MCPH1: variants seen among roughly 807,000 people sequenced by gnomAD.
The protein encoded by MCPH1 is microcephalin.
MCPH1 carries 104 observed loss-of-function variants against 84.5 expected under a neutral mutation model. The ratio of observed to expected loss-of-function variants is 1.23; its 90% CI spans 1.05 to 1.45. The LOEUF (loss-of-function observed/expected upper bound fraction) is 1.45. Among genes scored for constraint, MCPH1 ranks in the 40% most tolerant of loss-of-function variants. MCPH1 has a pLI of 0.00. For synonymous variants in MCPH1, 514 were observed against 366.8 expected, an observed-to-expected ratio of 1.40 and a Z score of -4.58; for missense variants, 1,498 against 1,005.7, an observed-to-expected ratio of 1.49 and a Z score of -6.62.
At chr8:6,523,573 T>C (rs1327656864) in intron 12 of MCPH1, among the ~76,000 whole-genome samples, 1 of 149,716 alleles carries the variant, frequency 6.7e-6, no homozygotes, top group African/African-American at 2.5e-5. Context: ...GTCAAGGTAT[T>C]TGGCAGGGTT....
At chr8:6,627,374 A>G in intron 13 of MCPH1, 12 of 835,242 alleles carry the variant, frequency 1.4e-5, no homozygotes, top group Non-Finnish European at 1.7e-5. Flanking sequence ...CCTCTCCTCC[A>G]AGGACGGCCT....
intron 9 of MCPH1, among the ~76,000 whole-genome samples, chr8:6,467,702 C>G (rs1235972365): frequency 6.6e-6 from 1 of 152,108 alleles, no homozygotes; most frequent in East Asian, 1.9e-4. Flanking sequence ...CTCAAGTGAT[C>G]CCTCCAGCCT....
Position 6,469,573 on chromosome 8 carries a change from G to A in MCPH1, c.1936-8021G>A, listed in dbSNP as rs747836051. Among the ~76,000 whole-genome samples, 147 of 152,150 alleles carry A rather than the reference G, an allele frequency of 9.7e-4. 1 individual carries two copies. The highest frequency in any genetic ancestry group is 4.1e-4 in the Non-Finnish European group (28 of 68,038). ...ATATTTAGATGGGCTTATACTGGGC[G>A]TGAACAAGGTTAATAATCTTTGTGA... On this transcript the variant is annotated intron_variant, in intron 9 of 13. Coordinates refer to ENST00000344683, the MANE Select transcript of MCPH1 (RefSeq NM_024596.5).
chr8:6,415,343 A>AGTAGC (rs1799117707), intron 3 of MCPH1, among the ~76,000 whole-genome samples: 1 of 148,118 alleles, frequency 6.8e-6, no homozygotes, highest in African/African-American at 2.5e-5. Flanking sequence ...GCTAGAGTGC[A>AGTAGC]GTAGCTGGAT....
chr8:6,467,311 G>A (rs903603830), intron 9 of MCPH1, among the ~76,000 whole-genome samples: 2 of 152,092 alleles, frequency 1.3e-5, no homozygotes, highest in African/African-American at 4.8e-5. Context: ...TTTCAATTTT[G>A]AAAACTTTTT....
chr8:6,604,286 C>T (rs1162905366), intron 12 of MCPH1, among the ~76,000 whole-genome samples: 2 of 152,228 alleles, frequency 1.3e-5, no homozygotes, highest in Admixed American at 6.5e-5. Context: ...CGGCAATGTG[C>T]TTCACCCACT....
At chr8:6,559,134 A>G (rs1235082564) in intron 12 of MCPH1, among the ~76,000 whole-genome samples, 1 of 151,676 alleles carries the variant, frequency 6.6e-6, no homozygotes, top group East Asian at 1.9e-4. Context: ...TGTGAATGGG[A>G]TGGGATTTTT....
chr8:6,497,143 T>A (rs1426591006), intron 11 of MCPH1, among the ~76,000 whole-genome samples: 4 of 152,144 alleles, frequency 2.6e-5, no homozygotes, highest in Non-Finnish European at 5.9e-5. Flanking sequence ...TTAGCTATAA[T>A]CCTTTTGATC....
Position 6,607,778 on chromosome 8 carries a change from T to C in MCPH1, c.2215-13676T>C, listed in dbSNP as rs557084378. Reference sequence around the variant, plus strand: ...GTCTGCTGCCATGTAAGACATGCTGTCCACCTTCTGCCGTGATTGTGAGGC... The same window carrying C: ...GTCTGCTGCCATGTAAGACATGCTGCCCACCTTCTGCCGTGATTGTGAGGC... On this transcript the variant is annotated intron_variant, in intron 12 of 13. Coordinates refer to ENST00000344683, the MANE Select transcript of MCPH1 (RefSeq NM_024596.5). Among the ~76,000 whole-genome samples, 4 of 152,350 alleles carry C rather than the reference T, an allele frequency of 2.6e-5. No individual in the cohort carries two copies. In the South Asian group the frequency reaches 8.3e-4, roughly 32 times the overall value.
intron 13 of MCPH1, among the ~76,000 whole-genome samples, chr8:6,639,205 G>A (rs1420504633): frequency 6.6e-6 from 1 of 152,114 alleles, no homozygotes; most frequent in Non-Finnish European, 1.5e-5. Context: ...GGGTGCATGG[G>A]TAGATGGGTA....
chr8:6,409,506 G>C, intron 2 of MCPH1, 136 bp downstream of exon 2: 1 of 717,768 alleles, frequency 1.4e-6, no homozygotes, highest in Non-Finnish European at 2.5e-6. Flanking sequence ...AGAAAAAAGA[G>C]CCAAAGTGTG....
intron 4 of MCPH1, among the ~76,000 whole-genome samples, chr8:6,434,514 C>T (rs551747992): frequency 1.3e-5 from 2 of 152,316 alleles, no homozygotes; most frequent in East Asian, 3.9e-4. Flanking sequence ...AATGAACCTC[C>T]CAAGACACAT....
At chr8:6,409,908 C>T (rs1272831500) in intron 2 of MCPH1, among the ~76,000 whole-genome samples, 1 of 151,788 alleles carries the variant, frequency 6.6e-6, no homozygotes, top group Non-Finnish European at 1.5e-5. Flanking sequence ...AGCAGGGACC[C>T]AGTGACAGAG....
intron 8 of MCPH1, among the ~76,000 whole-genome samples, chr8:6,448,146 T>C (rs1221401713): frequency 6.6e-6 from 1 of 152,170 alleles, no homozygotes; most frequent in East Asian, 1.9e-4. Context: ...CAATGTCAGC[T>C]AGCAAGCAGT....
In MCPH1 at chr8:6,440,549, C is replaced by G. The variant is rs967813524; in HGVS notation, c.580+1453C>G. Among the ~76,000 whole-genome samples, 3 of 152,250 alleles carry G rather than the reference C, an allele frequency of 2.0e-5. No homozygotes were observed. The South Asian group carries it at 6.2e-4, about 32-fold the overall frequency. ...TTATTGATAGATATAGTCAAATTAT[C>G]CTTCAAAAAATTTGAGTCATCTTAT... On this transcript the variant is annotated intron_variant, in intron 6 of 13. Transcript: ENST00000344683.
chr8:6,446,773 A>G, intron 8 of MCPH1: 1 of 985,114 alleles, frequency 1.0e-6, no homozygotes, highest in Non-Finnish European at 1.2e-6. Flanking sequence ...ATGTAAATTA[A>G]GTAGGAAAAA....
At chr8:6,464,401 T>A (rs1300826848) in intron 9 of MCPH1, among the ~76,000 whole-genome samples, 1 of 152,216 alleles carries the variant, frequency 6.6e-6, no homozygotes, top group East Asian at 1.9e-4. Flanking sequence ...TTTCTTGTTA[T>A]GTATGAGAGA....
intron 12 of MCPH1, chr8:6,513,617 G>C (rs1215843029): frequency 6.7e-7 from 1 of 1,482,084 alleles, no homozygotes; most frequent in East Asian, 2.3e-5. Context: ...ACAGGCGTGA[G>C]CCACCGTGCC....
chr8:6,641,733 G>C (rs149968952), intron 13 of MCPH1, among the ~76,000 whole-genome samples: 1 of 152,154 alleles, frequency 6.6e-6, no homozygotes. Context: ...GACTGAGCAA[G>C]ACCCTATCTC....
Sources: gnomAD v4.1 joint callset for allele counts (sites outside exome capture counted in the v4.1 genomes callset) on GRCh38, gnomAD v4.1.1 for gene constraint, MANE v1.5 for transcripts, NCBI Gene and HGNC (gene_info 2026-07-23, HGNC 2026-07-21) for gene names.